Variants in GLT1D1 observed in about 807,000 individuals in gnomAD.
The protein encoded by GLT1D1 is glycosyltransferase 1 domain containing 1.
A neutral mutation model predicts 28.7 loss-of-function variants in GLT1D1; 21 were observed. The ratio of observed to expected loss-of-function variants is 0.73; its 90% CI spans 0.52 to 1.05. The LOEUF (loss-of-function observed/expected upper bound fraction) is 1.05. GLT1D1 is among the 50% of genes least tolerant of loss of function. GLT1D1 has a pLI of 0.00. For missense variants in GLT1D1, 343 were observed against 330.6 expected, an observed-to-expected ratio of 1.04 and a Z score of -0.29; for synonymous variants, 147 against 124.8, an observed-to-expected ratio of 1.18 and a Z score of -1.19.
chr12:128,899,711 A>G (rs1190562098), intron 4 of GLT1D1, among the ~76,000 whole-genome samples: 3 of 151,712 alleles, frequency 2.0e-5, no homozygotes, highest in Non-Finnish European at 2.9e-5. Context: ...CACCATACCC[A>G]GCTAATTTTT....
intron 1 of GLT1D1, among the ~76,000 whole-genome samples, chr12:128,860,526 C>A (rs977298309): frequency 1.3e-5 from 2 of 152,158 alleles, no homozygotes; most frequent in African/African-American, 2.4e-5. Context: ...GGCTTTTGAC[C>A]AAGAAGTCAG....
At chr12:128,869,167 C>G (rs1425201297) in intron 1 of GLT1D1, among the ~76,000 whole-genome samples, 3 of 152,150 alleles carry the variant, frequency 2.0e-5, no homozygotes, top group Non-Finnish European at 4.4e-5. Flanking sequence ...CCGCACCCAG[C>G]CTCGTTTATT....
Position 128,906,764 on chromosome 12 carries a change from C to T in GLT1D1, c.375+7477C>T. 9 of 385,084 alleles carry T rather than the reference C, an allele frequency of 2.3e-5. No homozygotes were observed. The South Asian group carries it at 2.6e-4, about 11-fold the overall frequency. 23.9% of individuals were successfully genotyped at this position (385,084 alleles called of 1,614,324 possible). A position where few individuals can be genotyped will look rare whatever the true frequency, so the allele number is the denominator to read the frequency against. ...TCTGGAAACTTTGAGTCACCCCCTT[C>T]TGGGGCCTAATTTATCTACTTTGCC... On this transcript the variant is annotated intron_variant, in intron 4 of 7. Transcript: ENST00000281703.
At chr12:128,932,670 T>G (rs1874051911) in intron 4 of GLT1D1, among the ~76,000 whole-genome samples, 1 of 152,172 alleles carries the variant, frequency 6.6e-6, no homozygotes, top group Non-Finnish European at 1.5e-5. Flanking sequence ...AGCCCCGAGC[T>G]GTCCTGGGAT....
chr12:128,883,749 T>C (rs1957118829), intron 2 of GLT1D1, among the ~76,000 whole-genome samples: 1 of 152,072 alleles, frequency 6.6e-6, no homozygotes, highest in South Asian at 2.1e-4. Context: ...ACTTGGAAAA[T>C]AGCTTGTGTG....
intron 1 of GLT1D1, among the ~76,000 whole-genome samples, chr12:128,858,532 C>T (rs910643636): frequency 2.6e-5 from 4 of 151,994 alleles, no homozygotes; most frequent in Non-Finnish European, 2.9e-5. Context: ...ATTAGCTGGG[C>T]GTGGTGGCAC....
At chr12:128,908,350 TTC>T (rs1871115604) in intron 4 of GLT1D1, among the ~76,000 whole-genome samples, 1 of 38,548 alleles carries the variant, frequency 2.6e-5, no homozygotes, top group Non-Finnish European at 5.7e-5. Flanking sequence ...TTCTTTCCCT[TTC>T]TTTCTTTCTT....
intron 1 of GLT1D1, among the ~76,000 whole-genome samples, chr12:128,873,161 G>A (rs958214896): frequency 6.6e-6 from 1 of 152,166 alleles, no homozygotes; most frequent in Admixed American, 6.5e-5. Context: ...CTCCCAAAGT[G>A]CTGTGATTAC....
Position 128,910,625 on chromosome 12 carries a change from A to C in GLT1D1, c.375+11338A>C, listed in dbSNP as rs912246862. ...CTTTCCAGGGAAATTATAATTCAGCATAAGGAGTAGTTTAGGGCTCTGAAC... is the reference window on the plus strand; with the variant it reads ...CTTTCCAGGGAAATTATAATTCAGCCTAAGGAGTAGTTTAGGGCTCTGAAC... On this transcript the variant is annotated intron_variant, in intron 4 of 7. Coordinates refer to ENST00000281703, the MANE Select transcript of GLT1D1 (RefSeq NM_144669.3). Among the ~76,000 whole-genome samples the C allele has an allele frequency of 2.6e-5, 4 of 151,592 alleles. No homozygotes were observed. The East Asian group carries it at 7.7e-4, about 29-fold the overall frequency.
At chr12:128,858,351 T>A (rs754470101) in intron 1 of GLT1D1, among the ~76,000 whole-genome samples, 4 of 152,192 alleles carry the variant, frequency 2.6e-5, no homozygotes, top group Non-Finnish European at 5.9e-5. Flanking sequence ...TGCAGAGCCA[T>A]CCTTTGTGGG....
At chr12:128,934,355 G>A (rs1645035000) in intron 4 of GLT1D1, among the ~76,000 whole-genome samples, 1 of 151,948 alleles carries the variant, frequency 6.6e-6, no homozygotes, top group South Asian at 2.1e-4. Context: ...CACCACACCT[G>A]GCTAATATTT....
At chr12:128,868,061 G>A (rs34139278) in intron 1 of GLT1D1, among the ~76,000 whole-genome samples, 7,287 of 152,330 alleles carry the variant, frequency 0.048, 261 homozygotes, top group Middle Eastern at 0.099. Context: ...GACAATAAAG[G>A]GAATGTAATG....
chr12:128,908,365 CTTT>C (rs1871127118), intron 4 of GLT1D1, among the ~76,000 whole-genome samples: 1 of 101,922 alleles, frequency 9.8e-6, no homozygotes, highest in Non-Finnish European at 2.2e-5. Flanking sequence ...TCTTTCTTTT[CTTT>C]CTTTCTTTTC....
intron 4 of GLT1D1, among the ~76,000 whole-genome samples, chr12:128,900,636 CT>C (rs71072419): frequency 0.048 from 6,675 of 140,346 alleles, 137 homozygotes; most frequent in Middle Eastern, 0.099. Flanking sequence ...TAATACCAAA[CT>C]TTTTTTTTTT....
chr12:128,911,674 C>T (rs936754662), intron 4 of GLT1D1, among the ~76,000 whole-genome samples: 7 of 152,168 alleles, frequency 4.6e-5, no homozygotes, highest in East Asian at 3.8e-4. Flanking sequence ...TCCATCTAAA[C>T]GTCACCTTAA....
At chr12:128,897,922 C>A (rs1162051054) in intron 3 of GLT1D1, among the ~76,000 whole-genome samples, 1 of 152,194 alleles carries the variant, frequency 6.6e-6, no homozygotes, top group Non-Finnish European at 1.5e-5. Context: ...CCGCCTTGGA[C>A]TCCCAAAGTG....
intron 4 of GLT1D1, chr12:128,944,617 A>G (rs1172836154): frequency 2.7e-6 from 2 of 737,946 alleles, no homozygotes; most frequent in Non-Finnish European, 5.1e-6. Context: ...ATTCAGGTTA[A>G]TCACTGTGTC....
intron 6 of GLT1D1, 139 bp downstream of exon 10, chr12:128,947,597 A>T: frequency 1.2e-6 from 1 of 858,702 alleles, no homozygotes; most frequent in Admixed American, 2.3e-5. Flanking sequence ...TACCTGTTGG[A>T]GTTCAAAAGT....
intron 4 of GLT1D1, chr12:128,944,564 T>G: frequency 2.6e-6 from 2 of 761,118 alleles, no homozygotes; most frequent in South Asian, 1.3e-5. Flanking sequence ...GTGAGATGAA[T>G]CCAGTGAGCA....
Sources: allele counts gnomAD v4.1 joint callset (sites outside exome capture counted in the v4.1 genomes callset), GRCh38; gene constraint gnomAD v4.1.1; transcripts MANE v1.5; gene names NCBI Gene and HGNC (gene_info 2026-07-23, HGNC 2026-07-21).